The following SCML4 variants were observed in gnomAD, a reference collection of about 807,000 sequenced individuals.
The protein encoded by SCML4 is Scm polycomb group protein like 4.
A neutral mutation model predicts 41.1 loss-of-function variants in SCML4; 34 were observed. The ratio of observed to expected loss-of-function variants is 0.83; its 90% confidence interval spans 0.63 to 1.10. The LOEUF is 1.10. SCML4 is among the 50% of genes least tolerant of loss of function. SCML4 has a pLI of 0.00. For missense variants in SCML4, 522 were observed against 534.1 expected, an observed-to-expected ratio of 0.98 and a Z score of 0.22; for synonymous variants, 214 against 220.9, an observed-to-expected ratio of 0.97 and a Z score of 0.28.
chr6:107,806,851 G>A (rs558149252), intron 1 of SCML4, among the ~76,000 whole-genome samples: 1 of 152,338 alleles, frequency 6.6e-6, no homozygotes, highest in African/African-American at 2.4e-5. Context: ...ATTCTTGGCT[G>A]TTTGCCCACA....
intron 5 of SCML4, among the ~76,000 whole-genome samples, chr6:107,738,891 A>G (rs1354631334): frequency 6.6e-6 from 1 of 152,120 alleles, no homozygotes; most frequent in Admixed American, 6.5e-5. Flanking sequence ...CCAGGTGGCC[A>G]ACATTCCCAC....
At chr6:107,834,353 AC>A in the SCML4 span, among the ~76,000 whole-genome samples, 1 of 152,184 alleles carries the variant, frequency 6.6e-6, no homozygotes, top group African/African-American at 2.4e-5. Context: ...GAGGTGCTAT[AC>A]CGAAAACAGA....
At chr6:107,779,467 G>A (rs1365834863) in intron 1 of SCML4, among the ~76,000 whole-genome samples, 1 of 152,150 alleles carries the variant, frequency 6.6e-6, no homozygotes, top group African/African-American at 2.4e-5. Flanking sequence ...GCATGGAGAA[G>A]GGGTAAGCCA....
chr6:107,793,728 C>A (rs1471023268), intron 1 of SCML4, among the ~76,000 whole-genome samples: 1 of 152,190 alleles, frequency 6.6e-6, no homozygotes, highest in Non-Finnish European at 1.5e-5. Flanking sequence ...GAGTGGATCG[C>A]TTGAGCCCTG....
the SCML4 span, among the ~76,000 whole-genome samples, chr6:107,842,815 T>C: frequency 2.0e-5 from 3 of 152,238 alleles, no homozygotes; most frequent in East Asian, 1.9e-4. Flanking sequence ...TTGCTTCATG[T>C]TTTTTTAAGC....
chr6:107,793,260 C>A (rs775860304), intron 1 of SCML4, among the ~76,000 whole-genome samples: 1 of 152,154 alleles, frequency 6.6e-6, no homozygotes, highest in Non-Finnish European at 1.5e-5. Flanking sequence ...TGCTAAGACC[C>A]GGTCTAACTT....
At chr6:107,789,350 C>T (rs546491899) in intron 1 of SCML4, among the ~76,000 whole-genome samples, 14 of 152,254 alleles carry the variant, frequency 9.2e-5, no homozygotes, top group South Asian at 4.1e-4. Context: ...GGGAGGGAAG[C>T]GGAGCACCTC....
At chr6:107,712,031 C>T (rs567652125) in intron 6 of SCML4, among the ~76,000 whole-genome samples, 7 of 152,048 alleles carry the variant, frequency 4.6e-5, no homozygotes, top group East Asian at 3.9e-4. Flanking sequence ...TGGTTTGGCA[C>T]GGGGCATTTT....
At chr6:107,741,927 G>A (rs1777629673) in intron 5 of SCML4, among the ~76,000 whole-genome samples, 1 of 152,132 alleles carries the variant, frequency 6.6e-6, no homozygotes, top group African/African-American at 2.4e-5. Context: ...CTCCCTAAAT[G>A]GGCAAGGCAA....
chr6:107,751,634 CTTT>C (rs1562218971), intron 2 of SCML4, among the ~76,000 whole-genome samples: 37 of 136,482 alleles, frequency 2.7e-4, no homozygotes, highest in African/African-American at 9.9e-4. Context: ...TTCTTTCTTT[CTTT>C]CTTTCTTTCT....
the SCML4 span, among the ~76,000 whole-genome samples, chr6:107,831,602 C>G: frequency 1.3e-5 from 2 of 152,050 alleles, no homozygotes; most frequent in South Asian, 4.2e-4. Flanking sequence ...TTGCAAGTAA[C>G]AGTAAAAACA....
At chr6:107,833,036 G>A in the SCML4 span, among the ~76,000 whole-genome samples, 4 of 152,178 alleles carry the variant, frequency 2.6e-5, no homozygotes, top group African/African-American at 4.8e-5. Context: ...GCCACTATGC[G>A]GGGAGGACTT....
rs565359437 is a variant in SCML4, at chr6:107,786,965, G to A, written c.-59-14579C>T. Reference sequence around the variant, plus strand: ...TTACTGTCCTCGGATTTCCAGATGAGGAGCTAAGGCCCAGAGAGGCTACAT... The same window carrying A: ...TTACTGTCCTCGGATTTCCAGATGAAGAGCTAAGGCCCAGAGAGGCTACAT... On this transcript the variant is annotated intron_variant, in intron 1 of 7. Coordinates refer to ENST00000369020, the MANE Select transcript of SCML4 (RefSeq NM_198081.5). Among the ~76,000 whole-genome samples, 27 of 152,338 alleles carry A rather than the reference G, an allele frequency of 1.8e-4. No homozygotes were observed. The East Asian group carries it at 3.5e-3, about 20-fold the overall frequency.
chr6:107,714,604 C>G (rs1172677389), intron 6 of SCML4, among the ~76,000 whole-genome samples: 2 of 152,206 alleles, frequency 1.3e-5, no homozygotes, highest in African/African-American at 4.8e-5. Context: ...GTTCACAGCT[C>G]TGTCCTCAGA....
intron 2 of SCML4, among the ~76,000 whole-genome samples, chr6:107,771,403 G>C (rs1050605416): frequency 4.7e-5 from 7 of 148,472 alleles, no homozygotes; most frequent in African/African-American, 1.7e-4. Flanking sequence ...TGCCCGAAAG[G>C]TTTGTGAAGA....
At chr6:107,772,453 A>G (rs17528372) in intron 1 of SCML4, 67 bp from the exon 2 acceptor site, 197,515 of 903,896 alleles carry the variant, frequency 0.22, 24,003 homozygotes, top group Middle Eastern at 0.31. Context: ...CAAGGCAAAC[A>G]TGATCCTGTC....
chr6:107,715,674 C>G (rs1157220338), intron 6 of SCML4, among the ~76,000 whole-genome samples: 2 of 152,190 alleles, frequency 1.3e-5, no homozygotes, highest in African/African-American at 2.4e-5. Flanking sequence ...AACACATCCC[C>G]TTGGAGCCCA....
At chr6:107,748,461 T>C (rs377039773) in intron 3 of SCML4, among the ~76,000 whole-genome samples, 9 of 152,326 alleles carry the variant, frequency 5.9e-5, no homozygotes, top group East Asian at 5.8e-4. Context: ...TTGGTGGTAT[T>C]ATTACTGATT....
intron 6 of SCML4, among the ~76,000 whole-genome samples, chr6:107,711,617 G>T (rs1774226371): frequency 1.3e-5 from 2 of 152,112 alleles, no homozygotes; most frequent in Non-Finnish European, 2.9e-5. Context: ...TTATAAATAG[G>T]ACTTGATAAA....
Sources: allele counts gnomAD v4.1 joint callset (sites outside exome capture counted in the v4.1 genomes callset), GRCh38; gene constraint gnomAD v4.1.1; transcripts MANE v1.5; gene names NCBI Gene and HGNC (gene_info 2026-07-23, HGNC 2026-07-21).